The following MFHAS1 variants were observed in gnomAD, a reference collection of about 807,000 sequenced individuals.
MFHAS1 encodes the protein multifunctional ROCO family signaling regulator 1, also known as malignant fibrous histiocytoma-amplified sequence 1.
A neutral mutation model predicts 70.4 loss-of-function variants in MFHAS1; 50 were observed. The ratio of observed to expected loss-of-function variants is 0.71; its 90% CI spans 0.57 to 0.90. The LOEUF (loss-of-function observed/expected upper bound fraction) is 0.90. Among genes scored for constraint, MFHAS1 ranks in the 40% least tolerant of loss-of-function variants. MFHAS1 has a pLI of 0.00. For synonymous variants in MFHAS1, 952 were observed against 620.0 expected (o/e 1.54, Z -7.96); for missense variants, 1,795 against 1,347.6 (o/e 1.33, Z -5.20).
chr8:8,811,057 G>A (rs1464215792), intron 1 of MFHAS1, among the ~76,000 whole-genome samples: 3 of 151,960 alleles, frequency 2.0e-5, no homozygotes, highest in Non-Finnish European at 4.4e-5. Flanking sequence ...AATATCTCGC[G>A]CAGGCAGAAA....
intron 1 of MFHAS1, among the ~76,000 whole-genome samples, chr8:8,866,434 T>C (rs1181683969): frequency 6.6e-6 from 1 of 151,424 alleles, no homozygotes; most frequent in Non-Finnish European, 1.5e-5. Flanking sequence ...TCCTCCCACC[T>C]CAGCCTCCCC....
chr8:8,805,250 C>T (rs997470303), intron 1 of MFHAS1, among the ~76,000 whole-genome samples: 2 of 152,182 alleles, frequency 1.3e-5, no homozygotes, highest in African/African-American at 2.4e-5. Flanking sequence ...GAACAATCAA[C>T]ACCCCAAGCA....
rs760600792 is a variant in MFHAS1 at position 8,786,036 on chromosome 8, G to A, written c.3145C>T (p.His1049Tyr). 6.2e-7 allele frequency: 1 copy of A among 1,614,102 alleles called. No individual in the cohort carries two copies. The highest frequency in any genetic ancestry group is 2.2e-5 in the East Asian group (1 of 44,880). Reference protein sequence around the residue: ...PCSKKNVGEKHRNQ With the variant: ...PCSKKNVGEKYRNQ ...AGCCACAAACGTCACTGGTTTCTGT[G>A]CTTTTCACCAACATTCTTCCTGTAT... is the stretch of plus-strand genomic sequence containing the variant. The change falls in exon 3 of 3, where the codon CAC becomes TAC. Residue 1049 changes from histidine (H) to tyrosine (Y), a missense_variant. His to Tyr is a moderately conservative substitution (Grantham distance 83). Transcript: ENST00000276282.
intron 1 of MFHAS1, among the ~76,000 whole-genome samples, chr8:8,823,426 G>A (rs934596613): frequency 5.3e-5 from 8 of 152,144 alleles, no homozygotes; most frequent in African/African-American, 1.9e-4. Context: ...CTAACTCCCT[G>A]CAAGTTCCCG....
intron 1 of MFHAS1, among the ~76,000 whole-genome samples, chr8:8,860,905 A>C (rs1030881650): frequency 2.6e-5 from 4 of 152,222 alleles, no homozygotes; most frequent in East Asian, 1.9e-4. Context: ...ATACGTATAC[A>C]AACCCACAAC....
chr8:8,792,164 G>T (rs535867619), intron 2 of MFHAS1, among the ~76,000 whole-genome samples: 6 of 151,292 alleles, frequency 4.0e-5, no homozygotes, highest in Non-Finnish European at 7.4e-5. Flanking sequence ...TTGAACCCAG[G>T]GGGCAGAGGT....
chr8:8,871,696 G>C (rs1363646290), intron 1 of MFHAS1, among the ~76,000 whole-genome samples: 1 of 152,154 alleles, frequency 6.6e-6, no homozygotes, highest in African/African-American at 2.4e-5. Context: ...TGAGGCCCAG[G>C]GAGGCCAAGT....
chr8:8,795,659 A>T (rs1272213840), intron 2 of MFHAS1, among the ~76,000 whole-genome samples: 1 of 152,202 alleles, frequency 6.6e-6, no homozygotes. Context: ...CTCTACTTCT[A>T]CTGCAGCAGC....
Position 8,893,029 on chromosome 8 carries a change from C to T in MFHAS1, c.30G>A (p.Lys10=). Residue 10 remains lysine, a synonymous_variant, in exon 1 of 3, where the codon AAG becomes AAA. Transcript: ENST00000276282. MAGMDSGNL[K]TARLWRDAAL... The stretch of plus-strand genomic sequence containing the variant: ...CGGCGTCCCGCCACAGCCTCGCGGT[C>T]TTCAGGTTGCCACTGTCCATCCCAG... 2 of 1,533,552 alleles carry T rather than the reference C, an allele frequency of 1.3e-6. No homozygotes were observed. Among genetic ancestry groups the T allele is most frequent in the South Asian group, 2.4e-5 (2 of 83,810 alleles). 95.0% of individuals were successfully genotyped at this position (1,533,552 alleles called of 1,614,324 possible).
intron 1 of MFHAS1, among the ~76,000 whole-genome samples, chr8:8,801,260 C>A (rs1315113097): frequency 6.6e-6 from 1 of 152,066 alleles, no homozygotes. Context: ...GACTATTAAG[C>A]CTCCATTATC....
intron 1 of MFHAS1, among the ~76,000 whole-genome samples, chr8:8,801,634 C>T (rs181750945): frequency 1.3e-5 from 2 of 152,216 alleles, no homozygotes; most frequent in African/African-American, 2.4e-5. Flanking sequence ...TCTAGCAAAA[C>T]AGAAGCTAAT....
intron 1 of MFHAS1, among the ~76,000 whole-genome samples, chr8:8,862,616 G>A (rs1284738260): frequency 6.6e-6 from 1 of 152,164 alleles, no homozygotes; most frequent in Non-Finnish European, 1.5e-5. Context: ...TTTTAGGGCA[G>A]TAAAACTCTT....
intron 1 of MFHAS1, among the ~76,000 whole-genome samples, chr8:8,888,713 T>G (rs796624413): frequency 6.6e-6 from 1 of 152,144 alleles, no homozygotes; most frequent in African/African-American, 2.4e-5. Flanking sequence ...GGGGAATGAA[T>G]TGGCAGAGCA....
At position 8,891,393 on chromosome 8, in the gene MFHAS1, G is replaced by C; in HGVS notation, c.1666C>G (p.Arg556Gly). ...ELEEKCLDIH[R>G]QIALQEKHDA... ...TGCTTCTCCTGCAGGGCGATCTGGC[G>C]GTGAATGTCCAGACATTTCTCCTCC... Residue 556 changes from arginine (R) to glycine (G), a missense_variant, in exon 1 of 3, where the codon CGC (arginine) becomes GGC (glycine). By Grantham distance (125) the Arg-to-Gly change is moderately radical. Coordinates refer to ENST00000276282, the MANE Select transcript of MFHAS1 (RefSeq NM_004225.3). This position sits in a 1 kb window ranked among gnomAD's most constrained non-coding sequence, Gnocchi z 5.4. 1.2e-6 allele frequency: 2 copies of C among 1,612,186 alleles called. No homozygotes were observed. Among genetic ancestry groups the C allele is most frequent in the Non-Finnish European group, 8.5e-7 (1 of 1,180,006 alleles).
chr8:8,866,717 G>A (rs1670734331), intron 1 of MFHAS1, among the ~76,000 whole-genome samples: 1 of 152,178 alleles, frequency 6.6e-6, no homozygotes, highest in African/African-American at 2.4e-5. Flanking sequence ...CTCATAAACA[G>A]TGATTGACTC....
rs1356618286 is a variant in MFHAS1, at chr8:8,891,933, G to A, written c.1126C>T (p.Pro376Ser). ...ACCTCGTAGGGGGGCTGGATCAGTG[G>A]GTTGTCTTTGATCTTCCACAAACCC... is the stretch of plus-strand genomic sequence containing the variant. ...RVGLWKIKDNPLIQPPYEVCM... is the reference protein window; with the variant it reads ...RVGLWKIKDNSLIQPPYEVCM... The change falls in exon 1 of 3, where the codon CCA becomes TCA. Residue 376 changes from proline to serine, a missense_variant. Transcript: ENST00000276282. The surrounding 1 kb of genome is among the most constrained non-coding windows in gnomAD (Gnocchi z 5.4). The A allele has an allele frequency of 6.2e-7, 1 of 1,611,186 alleles. No individual in the cohort carries two copies. The highest frequency in any genetic ancestry group is 1.7e-5 in the Admixed American group (1 of 59,892).
intron 1 of MFHAS1, among the ~76,000 whole-genome samples, chr8:8,815,572 G>C (rs144825628): frequency 1.6e-3 from 246 of 152,298 alleles, no homozygotes; most frequent in Middle Eastern, 6.8e-3. Flanking sequence ...ACTGGTGTGA[G>C]ATGGTATCTC....
chr8:8,870,690 C>T (rs905265590), intron 1 of MFHAS1, among the ~76,000 whole-genome samples: 9 of 152,072 alleles, frequency 5.9e-5, no homozygotes, highest in African/African-American at 1.4e-4. Flanking sequence ...CAGGCCTCTC[C>T]GAGCCCCTGG....
intron 2 of MFHAS1, among the ~76,000 whole-genome samples, chr8:8,795,832 C>T (rs763638410): frequency 6.6e-6 from 1 of 152,196 alleles, no homozygotes; most frequent in Non-Finnish European, 1.5e-5. Flanking sequence ...TTCCCAAAGG[C>T]GCACTTTCCA....
Sources: allele counts gnomAD v4.1 joint callset (sites outside exome capture counted in the v4.1 genomes callset), GRCh38; gene constraint gnomAD v4.1.1; non-coding constraint Gnocchi (gnomAD v3.1); transcripts MANE v1.5; gene names NCBI Gene and HGNC (gene_info 2026-07-23, HGNC 2026-07-21).